Variants in LIMCH1 observed in about 807,000 individuals in gnomAD.
LIMCH1 encodes LIM and calponin homology domains 1, also known as LIM and calponin homology domains-containing protein 1.
LIMCH1 carries 113 observed loss-of-function variants against 176.5 expected under a neutral mutation model. That is an observed-to-expected ratio of 0.64 (90% confidence interval 0.55 to 0.75). The LOEUF is 0.75. Ranked by LOEUF, LIMCH1 falls within the 30% of genes least tolerant of loss-of-function variation. LIMCH1 has a pLI of 0.00. For synonymous variants in LIMCH1, 619 were observed against 645.9 expected (o/e 0.96, Z 0.63); for missense variants, 1,674 against 1,814.9 (o/e 0.92, Z 1.41).
chr4:41,682,463 A>G lies in LIMCH1; in HGVS notation c.3845+3A>G, dbSNP rs766086276. 1.2e-6 allele frequency: 2 copies of G among 1,612,074 alleles called. No individual in the cohort carries two copies. The highest frequency in any genetic ancestry group is 1.7e-6 in the Non-Finnish European group (2 of 1,178,812). ...GATCGACTGGAGGAGAAGGGCAGGT[A>G]TGAGCCCATCCCAAGCCACCATGAA... On this transcript the variant is annotated splice_donor_region_variant and intron_variant, in intron 26 of 31. Coordinates refer to ENST00000503057, the MANE Select transcript of LIMCH1 (RefSeq NM_001330672.2).
chr4:41,494,469 A>G (rs759693643), intron 1 of LIMCH1: 45 of 1,060,716 alleles, frequency 4.2e-5, no homozygotes, highest in Non-Finnish European at 6.6e-5. Flanking sequence ...ACACACATAT[A>G]TATATGATTG....
upstream of LIMCH1, chr4:41,360,562 G>A (rs927728077): frequency 1.4e-5 from 3 of 215,472 alleles, no homozygotes; most frequent in Non-Finnish European, 2.7e-5. This position sits in a 1 kb window ranked among gnomAD's most constrained non-coding sequence, Gnocchi z 4.5. Context: ...CCCGGGGGCG[G>A]AGCGGCCCTC....
At chr4:41,470,738 A>G (rs1181275948) in intron 1 of LIMCH1, among the ~76,000 whole-genome samples, 1 of 151,518 alleles carries the variant, frequency 6.6e-6, no homozygotes, top group East Asian at 1.9e-4. Flanking sequence ...ATCTTTTCTG[A>G]CTTAATGGTT....
chr4:41,414,388 C>T (rs187188254), intron 1 of LIMCH1, among the ~76,000 whole-genome samples: 12 of 152,290 alleles, frequency 7.9e-5, no homozygotes, highest in Non-Finnish European at 1.5e-4. Context: ...CCCTTAAAAA[C>T]TGTTTTCCTC....
At chr4:41,602,950 TG>T (rs2090182022) in intron 2 of LIMCH1, among the ~76,000 whole-genome samples, 1 of 152,220 alleles carries the variant, frequency 6.6e-6, no homozygotes, top group African/African-American at 2.4e-5. Flanking sequence ...TCTATGTCCT[TG>T]TTGATGGGTT....
At chr4:41,392,784 C>CA (rs35048992) in intron 1 of LIMCH1, among the ~76,000 whole-genome samples, 64,457 of 151,888 alleles carry the variant, frequency 0.42, 17,173 homozygotes, top group African/African-American at 0.76. Flanking sequence ...GTCATCCCAG[C>CA]CTGTGGGAGG....
chr4:41,530,352 C>T (rs947730747), intron 3 of LIMCH1, among the ~76,000 whole-genome samples: 1 of 152,182 alleles, frequency 6.6e-6, no homozygotes, highest in Non-Finnish European at 1.5e-5. Context: ...GTTTCCTGCA[C>T]ATCCTTCCTA....
At chr4:41,535,379 A>G (rs1328788755), upstream of LIMCH1, among the ~76,000 whole-genome samples, 1 of 152,034 alleles carries the variant, frequency 6.6e-6, no homozygotes, top group Admixed American at 6.6e-5. Flanking sequence ...TATTTTGTCA[A>G]TTCTGTAGGT....
chr4:41,587,060 GTTAAC>G (rs927346936), intron 1 of LIMCH1, among the ~76,000 whole-genome samples: 25 of 152,202 alleles, frequency 1.6e-4, no homozygotes, highest in African/African-American at 5.3e-4. Context: ...CATCAAGACT[GTTAAC>G]TTAAGCAAAT....
chr4:41,447,817 G>T (rs1366688413), intron 1 of LIMCH1, among the ~76,000 whole-genome samples: 5 of 152,086 alleles, frequency 3.3e-5, no homozygotes, highest in Middle Eastern at 3.2e-3. Context: ...TTGAGACAGG[G>T]TCTCCCTCTG....
intron 1 of LIMCH1, among the ~76,000 whole-genome samples, chr4:41,554,858 G>A (rs1252854732): frequency 2.0e-5 from 3 of 152,020 alleles, no homozygotes; most frequent in Non-Finnish European, 4.4e-5. Context: ...ATTAGGTGTC[G>A]AGCACTGTGC....
rs2068658032 is a variant in LIMCH1, at chr4:41,481,678, A to G, written c.97-12858A>G. Among the ~76,000 whole-genome samples the G allele has an allele frequency of 4.6e-5, 7 of 151,838 alleles. No homozygotes were observed. The South Asian group carries it at 1.3e-3, about 27-fold the overall frequency. On this transcript the variant is annotated intron_variant, in intron 1 of 26. Coordinates refer to the LIMCH1 transcript ENST00000313860. ...AGAGAGAAAAGGACAGACCTGAAAT[A>G]TATTTTGGGGGGAGAATGTTATTCT...
chr4:41,407,187 A>G (rs562943389), intron 1 of LIMCH1, among the ~76,000 whole-genome samples: 4 of 152,212 alleles, frequency 2.6e-5, no homozygotes, highest in African/African-American at 9.6e-5. Context: ...AAAAGAAAAA[A>G]AAAATCCTTT....
intron 1 of LIMCH1, among the ~76,000 whole-genome samples, chr4:41,581,891 A>C (rs1386205336): frequency 6.6e-6 from 1 of 151,270 alleles, no homozygotes; most frequent in Admixed American, 6.6e-5. Flanking sequence ...GGCCTATTTC[A>C]CTTGGCATAA....
chr4:41,600,191 TTAAC>T (rs2089663469), intron 2 of LIMCH1, among the ~76,000 whole-genome samples: 1 of 152,172 alleles, frequency 6.6e-6, no homozygotes, highest in African/African-American at 2.4e-5. Flanking sequence ...TGGAAAAATT[TTAAC>T]TAAGCGAAAA....
intron 1 of LIMCH1, among the ~76,000 whole-genome samples, chr4:41,573,160 C>A (rs2083833008): frequency 1.3e-5 from 2 of 152,172 alleles, no homozygotes; most frequent in South Asian, 4.1e-4. Flanking sequence ...AGTGAATTTT[C>A]AGACAACAGA....
chr4:41,625,829 A>G (rs967490777), intron 7 of LIMCH1, among the ~76,000 whole-genome samples: 1 of 152,140 alleles, frequency 6.6e-6, no homozygotes, highest in African/African-American at 2.4e-5. Flanking sequence ...CGAATATTTT[A>G]TTCCAAAAAA....
intron 1 of LIMCH1, among the ~76,000 whole-genome samples, chr4:41,468,253 T>G: frequency 3.2e-5 from 1 of 31,140 alleles, no homozygotes; most frequent in Non-Finnish European, 5.7e-5. Context: ...CTCCCTCCCC[T>G]CCCTCCTTTC....
chr4:41,555,547 A>T (rs2081117572), intron 1 of LIMCH1, among the ~76,000 whole-genome samples: 1 of 152,186 alleles, frequency 6.6e-6, no homozygotes, highest in African/African-American at 2.4e-5. Context: ...AAGTTCTTTC[A>T]TTCATTCAAC....
Sources: gnomAD v4.1 joint callset for allele counts (sites outside exome capture counted in the v4.1 genomes callset) on GRCh38, gnomAD v4.1.1 for gene constraint, Gnocchi (gnomAD v3.1) non-coding constraint, MANE v1.5 for transcripts, NCBI Gene and HGNC (gene_info 2026-07-23, HGNC 2026-07-21) for gene names.